CAMK4: variants seen among roughly 807,000 people sequenced by gnomAD.
CAMK4 encodes the protein calcium/calmodulin dependent protein kinase IV.
A neutral mutation model predicts 44.9 loss-of-function variants in CAMK4; 22 were observed. That is an observed-to-expected ratio of 0.49 (90% CI 0.35 to 0.70). CAMK4 has a LOEUF of 0.70. CAMK4 is among the 30% of genes least tolerant of loss of function. The pLI is 0.01. For synonymous variants in CAMK4, 218 were observed against 215.4 expected, an observed-to-expected ratio of 1.01 and a Z score of -0.11; for missense variants, 498 against 586.8, an observed-to-expected ratio of 0.85 and a Z score of 1.56.
intron 7 of CAMK4, among the ~76,000 whole-genome samples, chr5:111,462,236 C>G (rs1024671890): frequency 2.0e-5 from 3 of 152,232 alleles, no homozygotes; most frequent in Non-Finnish European, 4.4e-5. Context: ...TTCAAACTTT[C>G]TTTGCACCAG....
At chr5:111,456,360 G>A (rs558202314) in intron 7 of CAMK4, among the ~76,000 whole-genome samples, 1 of 151,926 alleles carries the variant, frequency 6.6e-6, no homozygotes, top group Non-Finnish European at 1.5e-5. Context: ...GCATGATGGC[G>A]AGCACCTGTA....
chr5:111,437,660 G>C (rs1199768645), intron 5 of CAMK4, among the ~76,000 whole-genome samples: 1 of 152,202 alleles, frequency 6.6e-6, no homozygotes, highest in Non-Finnish European at 1.5e-5. Flanking sequence ...TGAGGATGAG[G>C]AGAGCTGGCC....
At chr5:111,413,642 A>G (rs1752709063) in intron 5 of CAMK4, among the ~76,000 whole-genome samples, 1 of 152,140 alleles carries the variant, frequency 6.6e-6, no homozygotes, top group Non-Finnish European at 1.5e-5. Flanking sequence ...TGCAGTTGTC[A>G]ACGAATTTTG....
At chr5:111,439,252 C>T (rs1382380232) in intron 5 of CAMK4, among the ~76,000 whole-genome samples, 1 of 152,110 alleles carries the variant, frequency 6.6e-6, no homozygotes, top group Non-Finnish European at 1.5e-5. Flanking sequence ...TCTTTCTACT[C>T]TTGTGGCAGT....
chr5:111,374,779 C>T, intron 2 of CAMK4, 71 bp from the exon 3 acceptor site: 2 of 924,810 alleles, frequency 2.2e-6, no homozygotes, highest in South Asian at 2.7e-5. Context: ...GTAGTTATTG[C>T]TGTTTCTATT....
At chr5:111,367,362 A>G (rs1432581091) in intron 2 of CAMK4, among the ~76,000 whole-genome samples, 2 of 151,750 alleles carry the variant, frequency 1.3e-5, no homozygotes, top group Non-Finnish European at 2.9e-5. Context: ...ATACCTCATG[A>G]CTTAATCATC....
intron 1 of CAMK4, among the ~76,000 whole-genome samples, chr5:111,241,117 AATT>A (rs1748971007): frequency 6.6e-6 from 1 of 152,068 alleles, no homozygotes; most frequent in East Asian, 1.9e-4. Context: ...GAATAATAAT[AATT>A]ATGACTTTTT....
chr5:111,340,579 A>G (rs1199139598), intron 1 of CAMK4, among the ~76,000 whole-genome samples: 1 of 151,388 alleles, frequency 6.6e-6, no homozygotes, highest in Admixed American at 6.6e-5. Context: ...ACCATGATGA[A>G]TGAGCCTTTC....
At chr5:111,309,914 A>G (rs917777204) in intron 1 of CAMK4, among the ~76,000 whole-genome samples, 2 of 152,166 alleles carry the variant, frequency 1.3e-5, no homozygotes, top group African/African-American at 2.4e-5. Flanking sequence ...TGATACCTTA[A>G]TTTGCAGGAA....
rs1345279660 is a variant in CAMK4, at chr5:111,492,150, T to G, written c.*7684T>G. On this transcript the variant is annotated 3_prime_UTR_variant, in exon 11 of 11. Coordinates refer to ENST00000282356, the MANE Select transcript of CAMK4 (RefSeq NM_001744.6). The stretch of plus-strand genomic sequence containing the variant: ...AAATATCCACCTTAAGGGAAGCTAG[T>G]GACCGAGATATGGAGAAAAACATAG... 6.6e-6 allele frequency: 1 copy of G among 152,178 alleles called. No individual in the cohort carries two copies. Among genetic ancestry groups the G allele is most frequent in the East Asian group, 1.9e-4 (1 of 5,196 alleles). 9.4% of individuals were successfully genotyped at this position (152,178 alleles called of 1,614,324 possible).
chr5:111,226,447 A>T (rs1748197100), intron 1 of CAMK4, among the ~76,000 whole-genome samples: 1 of 152,226 alleles, frequency 6.6e-6, no homozygotes, highest in Non-Finnish European at 1.5e-5. Context: ...TGATGGTGTT[A>T]TGTCCCAATA....
intron 1 of CAMK4, among the ~76,000 whole-genome samples, chr5:111,261,576 T>C (rs63448361): frequency 1.3e-4 from 19 of 148,942 alleles, no homozygotes; most frequent in Non-Finnish European, 8.9e-5. Context: ...TTTTTTTTTT[T>C]CCAGGTCACC....
intron 5 of CAMK4, among the ~76,000 whole-genome samples, chr5:111,400,072 C>T (rs1386096412): frequency 6.6e-6 from 1 of 151,802 alleles, no homozygotes; most frequent in Non-Finnish European, 1.5e-5. Context: ...CTCAAGTCTG[C>T]AAAGATAAAT....
At chr5:111,413,219 T>C (rs1752690363) in intron 5 of CAMK4, among the ~76,000 whole-genome samples, 1 of 152,146 alleles carries the variant, frequency 6.6e-6, no homozygotes. Context: ...AGCCAACTAA[T>C]AAATAAAAAT....
At chr5:111,342,571 T>TG (rs397728025) in intron 1 of CAMK4, among the ~76,000 whole-genome samples, 1 of 151,290 alleles carries the variant, frequency 6.6e-6, no homozygotes, top group Non-Finnish European at 1.5e-5. Context: ...GATTTTTTTT[T>TG]ATCCAATCTG....
At chr5:111,417,271 C>G (rs1326403264) in intron 5 of CAMK4, among the ~76,000 whole-genome samples, 1 of 150,752 alleles carries the variant, frequency 6.6e-6, no homozygotes, top group African/African-American at 2.4e-5. Flanking sequence ...GTCACCCAGG[C>G]TGGAGTGCAG....
rs528754716 is a variant in CAMK4, at chr5:111,310,116, A to G, written c.162-33908A>G. Among the ~76,000 whole-genome samples the G allele has an allele frequency of 1.8e-4, 27 of 152,054 alleles. No individual in the cohort carries two copies. In the East Asian group the frequency reaches 4.3e-3, roughly 24 times the overall value. On this transcript the variant is annotated intron_variant, in intron 1 of 10. Coordinates refer to ENST00000282356, the MANE Select transcript of CAMK4 (RefSeq NM_001744.6). The stretch of plus-strand genomic sequence containing the variant: ...TACCTAGGCTAACAAGGCATATTCA[A>G]CCTCGTTTTGGGGGTAGAGTTGACT...
intron 4 of CAMK4, among the ~76,000 whole-genome samples, chr5:111,381,590 C>T (rs1751417294): frequency 6.6e-6 from 1 of 152,154 alleles, no homozygotes; most frequent in African/African-American, 2.4e-5. Flanking sequence ...GAGGGTGGGT[C>T]TGCATCTCCC....
intron 2 of CAMK4, among the ~76,000 whole-genome samples, chr5:111,352,003 A>G (rs1399429504): frequency 6.6e-6 from 1 of 152,046 alleles, no homozygotes; most frequent in Admixed American, 6.6e-5. Flanking sequence ...GAGAGGAAGT[A>G]AACTCTCTTT....
Sources: allele counts gnomAD v4.1 joint callset (sites outside exome capture counted in the v4.1 genomes callset), GRCh38; gene constraint gnomAD v4.1.1; transcripts MANE v1.5; gene names NCBI Gene and HGNC (gene_info 2026-07-23, HGNC 2026-07-21).